Variants in LEO1 observed in about 807,000 individuals in gnomAD.
LEO1 encodes LEO1 component of Paf1/RNA polymerase II complex.
LEO1 carries 34 observed loss-of-function variants against 80.4 expected under a neutral mutation model. The observed-to-expected ratio is 0.42, with a 90% confidence interval of 0.32 to 0.56. The LOEUF is 0.56. LEO1 is among the 20% of genes least tolerant of loss of function. The probability of loss-of-function intolerance (pLI) is 0.10; values close to 1 mark genes in which losing one functional copy is unlikely to be tolerated. For synonymous variants in LEO1, 262 were observed against 274.9 expected (o/e 0.95, Z 0.46); for missense variants, 631 against 814.2 (o/e 0.77, Z 2.74).
At chr15:51,971,496 C>G (rs930370963) in intron 1 of LEO1, among the ~76,000 whole-genome samples, 192 bp downstream of exon 1, 9 of 152,180 alleles carry the variant, frequency 5.9e-5, no homozygotes, top group African/African-American at 2.2e-4. Context: ...CCCAGAGCCT[C>G]GAGGCGCAGA....
intron 11 of LEO1, among the ~76,000 whole-genome samples, chr15:51,942,881 C>T (rs1198769092): frequency 6.9e-6 from 1 of 145,104 alleles, no homozygotes; most frequent in Non-Finnish European, 1.5e-5. Context: ...AAGATGGCAC[C>T]ACTGCAATCC....
At chr15:51,971,665 C>A in intron 1 of LEO1, 23 bp downstream of exon 1, 3 of 1,613,304 alleles carry the variant, frequency 1.9e-6, no homozygotes, top group Non-Finnish European at 2.5e-6. Flanking sequence ...ACGCACCCAT[C>A]CTCCGAAGAC....
chr15:51,954,819 C>T, intron 6 of LEO1: 2 of 455,336 alleles, frequency 4.4e-6, no homozygotes, highest in Non-Finnish European at 7.9e-6. Flanking sequence ...ATAGAGAAAG[C>T]TTAGAGCATT....
At chr15:51,956,572 A>G (rs891779697) in intron 6 of LEO1, among the ~76,000 whole-genome samples, 3 of 152,242 alleles carry the variant, frequency 2.0e-5, no homozygotes, top group Non-Finnish European at 2.9e-5. Context: ...TGAAGGACAC[A>G]TAATAGTATT....
chr15:51,954,395 A>T, intron 7 of LEO1, 86 bp downstream of exon 7: 1 of 825,904 alleles, frequency 1.2e-6, no homozygotes, highest in Non-Finnish European at 2.1e-6. Context: ...AACTAATAAT[A>T]AATTTAAAAC....
At chr15:51,969,229 G>T (rs2057102970) in intron 1 of LEO1, among the ~76,000 whole-genome samples, 1 of 152,048 alleles carries the variant, frequency 6.6e-6, no homozygotes, top group African/African-American at 2.4e-5. Context: ...AAAGTGCTGG[G>T]ATTACAGGCG....
rs755506905 is a variant in LEO1 at position 51,966,038 on chromosome 15, C to T, written c.525G>A (p.Lys175=). ...EERAQGSDED[K]LQNSDDDEKM... The stretch of plus-strand genomic sequence containing the variant: ...TCTCATCATCGTCAGAATTCTGCAG[C>T]TTATCTTCATCAGATCCTTGTGCCC... The change falls in exon 2 of 12, where the codon AAG becomes AAA. Residue 175 remains lysine (K), a synonymous_variant. Coordinates refer to ENST00000299601, the MANE Select transcript of LEO1 (RefSeq NM_138792.4). 1.2e-6 allele frequency: 2 copies of T among 1,614,090 alleles called. No individual in the cohort carries two copies. Among genetic ancestry groups the T allele is most frequent in the Non-Finnish European group, 1.7e-6 (2 of 1,180,028 alleles).
At chr15:51,969,241 G>C (rs1436978865) in intron 1 of LEO1, among the ~76,000 whole-genome samples, 1 of 152,068 alleles carries the variant, frequency 6.6e-6, no homozygotes, top group Non-Finnish European at 1.5e-5. Context: ...TTACAGGCGT[G>C]AGCCACTGTG....
chr15:51,970,061 T>A (rs1290372470), intron 1 of LEO1, among the ~76,000 whole-genome samples: 4 of 152,150 alleles, frequency 2.6e-5, no homozygotes, highest in Non-Finnish European at 5.9e-5. Flanking sequence ...ACAGTTTGGC[T>A]GCTCCTCAAA....
At chr15:51,949,468 G>A (rs933430740) in intron 10 of LEO1, among the ~76,000 whole-genome samples, 4 of 152,184 alleles carry the variant, frequency 2.6e-5, no homozygotes, top group African/African-American at 9.7e-5. Context: ...GGGAGGCCAA[G>A]GCGGGCAGAT....
intron 10 of LEO1, among the ~76,000 whole-genome samples, chr15:51,947,974 C>T (rs921811201): frequency 3.9e-5 from 6 of 152,186 alleles, no homozygotes; most frequent in Non-Finnish European, 7.3e-5. Context: ...AGATACCCTA[C>T]TCTTACGAAG....
intron 6 of LEO1, among the ~76,000 whole-genome samples, chr15:51,955,437 C>T (rs562494254): frequency 6.6e-6 from 1 of 152,322 alleles, no homozygotes; most frequent in African/African-American, 2.4e-5. Flanking sequence ...ATCTTACCTG[C>T]ATGGTGGGGA....
At chr15:51,947,534 G>C in intron 10 of LEO1, 145 bp from the exon 11 acceptor site, 1 of 609,946 alleles carries the variant, frequency 1.6e-6, no homozygotes. Flanking sequence ...TCCTGCCTCA[G>C]CCTCCCAAGT....
intron 6 of LEO1, among the ~76,000 whole-genome samples, 175 bp downstream of exon 6, chr15:51,958,567 T>A (rs2057006991): frequency 6.6e-6 from 1 of 152,196 alleles, no homozygotes. Flanking sequence ...GAAGCATTAA[T>A]GGGAATTTAG....
intron 10 of LEO1, 147 bp from the exon 11 acceptor site, chr15:51,947,536 C>T: frequency 1.6e-6 from 1 of 610,056 alleles, no homozygotes; most frequent in Non-Finnish European, 2.9e-6. Context: ...CTGCCTCAGC[C>T]TCCCAAGTAG....
intron 6 of LEO1, 22 bp from the exon 7 acceptor site, chr15:51,954,597 T>C: frequency 6.7e-7 from 1 of 1,493,288 alleles, no homozygotes; most frequent in Non-Finnish European, 9.3e-7. Flanking sequence ...CACAAGTACT[T>C]TAGAAAATTA....
chr15:51,943,893 T>G lies in LEO1; in HGVS notation c.1896+3399A>C, dbSNP rs117826192. Among the ~76,000 whole-genome samples the G allele has an allele frequency of 2.0e-4, 31 of 151,548 alleles. 1 individual carries two copies. In the East Asian group the frequency reaches 4.8e-3, roughly 24 times the overall value. ...TTTGAACTAGGATCAGCAGACTTGA[T>G]GGATCGACAGAGATTATGCAATCTG... On this transcript the variant is annotated intron_variant, in intron 11 of 11. Transcript: ENST00000299601.
chr15:51,952,100 A>G (rs1595936497), intron 8 of LEO1, 121 bp from the exon 9 acceptor site: 1 of 776,650 alleles, frequency 1.3e-6, no homozygotes, highest in Non-Finnish European at 2.0e-6. Context: ...AAAAATAGGC[A>G]GAGACACTCG....
At chr15:51,964,160 CAT>C (rs2057055652) in intron 2 of LEO1, among the ~76,000 whole-genome samples, 1 of 150,944 alleles carries the variant, frequency 6.6e-6, no homozygotes, top group African/African-American at 2.4e-5. Flanking sequence ...GAGCTGAGAT[CAT>C]GCCACTACAC....
Sources: gnomAD v4.1 joint callset for allele counts (sites outside exome capture counted in the v4.1 genomes callset) on GRCh38, gnomAD v4.1.1 for gene constraint, MANE v1.5 for transcripts, NCBI Gene and HGNC (gene_info 2026-07-23, HGNC 2026-07-21) for gene names.